CDH4: variants seen among roughly 807,000 people sequenced by gnomAD.
CDH4 encodes the protein cadherin 4.
A neutral mutation model predicts 86.0 loss-of-function variants in CDH4; 33 were observed. The ratio of observed to expected loss-of-function variants is 0.38; its 90% CI spans 0.29 to 0.51. The LOEUF (loss-of-function observed/expected upper bound fraction) is 0.51, where lower values mean the gene tolerates loss of function less well. CDH4 is among the 20% of genes least tolerant of loss of function. The pLI is 0.86. For synonymous variants in CDH4, 555 were observed against 549.4 expected (o/e 1.01, Z -0.14); for missense variants, 1,114 against 1,307.4 (o/e 0.85, Z 2.28).
rs952293224 is a variant in CDH4, at chr20:61,422,314, C to T, written c.169+167377C>T. ...TAGTGCATGCCTGTAATCCCAGCTACTCGGGGGGCTGAAGCAGGAGAATCG... is the reference window on the plus strand; with the variant it reads ...TAGTGCATGCCTGTAATCCCAGCTATTCGGGGGGCTGAAGCAGGAGAATCG... On this transcript the variant is annotated intron_variant, in intron 2 of 15. Coordinates refer to ENST00000614565, the MANE Select transcript of CDH4 (RefSeq NM_001794.5). Among the ~76,000 whole-genome samples the T allele has an allele frequency of 2.0e-5, 3 of 151,416 alleles. No individual in the cohort carries two copies. The South Asian group carries it at 6.3e-4, about 32-fold the overall frequency.
intron 6 of CDH4, among the ~76,000 whole-genome samples, chr20:61,866,356 T>C (rs1354281767): frequency 6.6e-6 from 1 of 152,132 alleles, no homozygotes; most frequent in Non-Finnish European, 1.5e-5. Context: ...TAGCAGTGAA[T>C]TTGCTGAGTG....
At chr20:61,929,133 T>C (rs1450598168) in intron 12 of CDH4, among the ~76,000 whole-genome samples, 1 of 150,874 alleles carries the variant, frequency 6.6e-6, no homozygotes, top group African/African-American at 2.4e-5. Flanking sequence ...CATGTTGCAA[T>C]TGCTTTTTGG....
intron 8 of CDH4, among the ~76,000 whole-genome samples, chr20:61,904,606 C>T (rs1321374721): frequency 2.0e-5 from 3 of 152,210 alleles, no homozygotes; most frequent in African/African-American, 7.2e-5. Context: ...CCAGGTGCTG[C>T]ACCGAGTGCC....
chr20:61,934,170 A>G lies in CDH4; in HGVS notation c.2494A>G (p.Ile832Val). Residue 832 changes from isoleucine to valine, a missense_variant, in exon 15 of 16, where the codon ATC becomes GTC. Ile to Val is a conservative substitution (Grantham distance 29). Transcript: ENST00000614565. ...GGTGGGCGCTGAGCCCCAGTACCCG[A>G]TCAGGCCCATGGTGCCGCACCCAGG... ...RPVGAEPQYP[I>V]RPMVPHPGDI... The G allele has an allele frequency of 6.2e-7, 1 of 1,605,592 alleles. No homozygotes were observed. Among genetic ancestry groups the G allele is most frequent in the East Asian group, 2.2e-5 (1 of 44,632 alleles).
chr20:61,404,432 G>A (rs993064293), intron 2 of CDH4, among the ~76,000 whole-genome samples: 8 of 152,154 alleles, frequency 5.3e-5, no homozygotes, highest in East Asian at 1.9e-4. Context: ...TAAATTTCAC[G>A]CTTCTTGCCT....
At position 61,829,908 on chromosome 20, in the gene CDH4, C is replaced by G. The variant is rs1409707636; in HGVS notation, c.577-14760C>G. On this transcript the variant is annotated intron_variant, in intron 4 of 15. Coordinates refer to ENST00000614565, the MANE Select transcript of CDH4 (RefSeq NM_001794.5). The surrounding 1 kb of genome is among the most constrained non-coding windows in gnomAD (Gnocchi z 4.2). ...TGGGGTGGGAGGGACGAGGCTCCTG[C>G]CCGGCCGGCCCTGGGGCTGGGAGGC... Among the ~76,000 whole-genome samples, 1 of 152,080 alleles carries G rather than the reference C, an allele frequency of 6.6e-6. No individual in the cohort carries two copies. The highest frequency in any genetic ancestry group is 1.5e-5 in the Non-Finnish European group (1 of 68,006).
chr20:61,290,740 G>C (rs1438919769), intron 2 of CDH4, among the ~76,000 whole-genome samples: 1 of 152,202 alleles, frequency 6.6e-6, no homozygotes, highest in African/African-American at 2.4e-5. Context: ...GCCACCCACA[G>C]TGGGCTGTGA....
intron 2 of CDH4, among the ~76,000 whole-genome samples, chr20:61,736,382 G>GA (rs2088263041): frequency 2.0e-5 from 3 of 152,162 alleles, no homozygotes; most frequent in Non-Finnish European, 4.4e-5. Flanking sequence ...GTCCACGGAA[G>GA]GGTCCTGTTA....
intron 2 of CDH4, among the ~76,000 whole-genome samples, chr20:61,576,070 G>C (rs557772009): frequency 6.6e-6 from 1 of 152,276 alleles, no homozygotes; most frequent in East Asian, 1.9e-4. Flanking sequence ...GATGAAAGAG[G>C]GGGTCCAGAG....
At chr20:61,820,086 G>A (rs1383886671) in intron 4 of CDH4, among the ~76,000 whole-genome samples, 1 of 152,188 alleles carries the variant, frequency 6.6e-6, no homozygotes, top group Non-Finnish European at 1.5e-5. Flanking sequence ...AGACTCGGGG[G>A]GTCCTGCCTC....
chr20:61,843,813 T>C (rs946670363), intron 4 of CDH4, among the ~76,000 whole-genome samples: 3 of 152,170 alleles, frequency 2.0e-5, no homozygotes, highest in Admixed American at 1.3e-4. Flanking sequence ...AAAAGTAGTA[T>C]ATGCTAAAGA....
At chr20:61,696,203 G>A (rs981177198) in intron 2 of CDH4, among the ~76,000 whole-genome samples, 1 of 152,252 alleles carries the variant, frequency 6.6e-6, no homozygotes, top group Non-Finnish European at 1.5e-5. Flanking sequence ...ATGCTTGAAG[G>A]AAGCAGAAGG....
chr20:61,376,706 C>T (rs1017595395), intron 2 of CDH4, among the ~76,000 whole-genome samples: 3 of 152,210 alleles, frequency 2.0e-5, no homozygotes, highest in Non-Finnish European at 2.9e-5. Context: ...TGGCTGCTCC[C>T]GTTTTTCCCA....
chr20:61,909,030 A>C (rs957686446), intron 8 of CDH4, among the ~76,000 whole-genome samples: 2 of 152,224 alleles, frequency 1.3e-5, no homozygotes, highest in Admixed American at 6.5e-5. Flanking sequence ...CCTCTTTAAA[A>C]GTCCCATCTC....
At chr20:61,400,848 C>A (rs1264803751) in intron 2 of CDH4, among the ~76,000 whole-genome samples, 1 of 152,238 alleles carries the variant, frequency 6.6e-6, no homozygotes, top group Non-Finnish European at 1.5e-5. Context: ...GGCCCTGCCC[C>A]CTTCCAGAGC....
rs149490443 is a variant in CDH4, at chr20:61,502,272, G to A, written c.170-241291G>A. On this transcript the variant is annotated intron_variant, in intron 2 of 15. Transcript: ENST00000614565. Reference sequence around the variant, plus strand: ...CTTCAAAACCTGCTCCTGCTGTAAGGTGCTTTTCCCATCTTAGCAGCCTGG... The same window carrying A: ...CTTCAAAACCTGCTCCTGCTGTAAGATGCTTTTCCCATCTTAGCAGCCTGG... Among the ~76,000 whole-genome samples, 628 of 152,264 alleles carry A rather than the reference G, an allele frequency of 4.1e-3. 5 individuals are homozygous for A. The highest frequency in any genetic ancestry group is 0.014 in the African/African-American group (588 of 41,544).
intron 2 of CDH4, among the ~76,000 whole-genome samples, chr20:61,561,823 A>C (rs1408713302): frequency 6.6e-6 from 1 of 152,226 alleles, no homozygotes; most frequent in Non-Finnish European, 1.5e-5. Flanking sequence ...GAGAAAAACA[A>C]CCCACAAAGG....
intron 2 of CDH4, among the ~76,000 whole-genome samples, chr20:61,451,717 G>T (rs1600690191): frequency 1.3e-5 from 2 of 152,138 alleles, no homozygotes; most frequent in South Asian, 4.2e-4. Context: ...GGAGGAGGGG[G>T]TAGGAGGCTG....
chr20:61,744,718 C>T (rs565784197), intron 3 of CDH4, among the ~76,000 whole-genome samples: 24 of 152,314 alleles, frequency 1.6e-4, no homozygotes, highest in African/African-American at 5.3e-4. Context: ...GGAGGGGCGC[C>T]TTCACCATGC....
Sources: allele counts gnomAD v4.1 joint callset (sites outside exome capture counted in the v4.1 genomes callset), GRCh38; gene constraint gnomAD v4.1.1; non-coding constraint Gnocchi (gnomAD v3.1); transcripts MANE v1.5; gene names NCBI Gene and HGNC (gene_info 2026-07-23, HGNC 2026-07-21).